C8orf34: variants seen among roughly 807,000 people sequenced by gnomAD.
C8orf34 encodes uncharacterized protein C8orf34.
Under a neutral mutation model 68.3 loss-of-function variants are expected in C8orf34, and 65 were observed. The observed-to-expected ratio is 0.95, with a 90% confidence interval of 0.78 to 1.17. The LOEUF (loss-of-function observed/expected upper bound fraction) is 1.17. Among genes scored for constraint, C8orf34 ranks in the 50% most tolerant of loss-of-function variants. The pLI is 0.00. For missense variants in C8orf34, 664 were observed against 655.4 expected (o/e 1.01, Z -0.14); for synonymous variants, 244 against 241.2 (o/e 1.01, Z -0.11).
At chr8:68,774,894 G>A (rs1232427572) in intron 10 of C8orf34, among the ~76,000 whole-genome samples, 2 of 142,930 alleles carry the variant, frequency 1.4e-5, no homozygotes, top group Non-Finnish European at 3.0e-5. Flanking sequence ...ATTACCTGAA[G>A]TCAGGAGTTC....
At chr8:68,653,784 A>C (rs1209114885) in intron 8 of C8orf34, among the ~76,000 whole-genome samples, 1 of 152,172 alleles carries the variant, frequency 6.6e-6, no homozygotes, top group African/African-American at 2.4e-5. Flanking sequence ...ATTAGATTTC[A>C]ACATATGAAT....
At chr8:68,781,768 A>C (rs1379561112) in intron 11 of C8orf34, among the ~76,000 whole-genome samples, 1 of 152,200 alleles carries the variant, frequency 6.6e-6, no homozygotes, top group Non-Finnish European at 1.5e-5. Flanking sequence ...TAACAGTAAT[A>C]TTTGTACTAT....
intron 1 of C8orf34, among the ~76,000 whole-genome samples, chr8:68,427,392 C>T (rs1396615803): frequency 6.6e-6 from 1 of 152,092 alleles, no homozygotes; most frequent in Admixed American, 6.5e-5. Context: ...ATATGCATAA[C>T]AACGTGGACA....
intron 11 of C8orf34, among the ~76,000 whole-genome samples, chr8:68,779,180 AACACACACAC>A (rs10550333): frequency 0.12 from 16,750 of 139,116 alleles, 1,163 homozygotes; most frequent in East Asian, 0.23. Context: ...CTGTCTCTGA[AACACACACAC>A]ACACACACAC....
chr8:68,366,685 G>A (rs1256792785), intron 1 of C8orf34, among the ~76,000 whole-genome samples: 1 of 146,504 alleles, frequency 6.8e-6, no homozygotes, highest in Non-Finnish European at 1.5e-5. Context: ...TGGGAAAACT[G>A]GCTAGCCATA....
intron 8 of C8orf34, among the ~76,000 whole-genome samples, chr8:68,693,058 C>T (rs73683595): frequency 0.074 from 11,196 of 152,086 alleles, 605 homozygotes; most frequent in African/African-American, 0.15. Flanking sequence ...AGAATAATGA[C>T]ATGGTTTATG....
At chr8:68,818,205 G>A (rs746803206) in intron 13 of C8orf34, 34 bp from the exon 14 acceptor site, 173 of 1,609,326 alleles carry the variant, frequency 1.1e-4, no homozygotes, top group Non-Finnish European at 1.4e-4. Context: ...ATGTTATTAA[G>A]CACATTTTCT....
intron 7 of C8orf34, among the ~76,000 whole-genome samples, chr8:68,602,525 T>C (rs540953825): frequency 6.6e-6 from 1 of 151,942 alleles, no homozygotes; most frequent in East Asian, 2.0e-4. Context: ...ATCACGAGAA[T>C]AGCATGAGGG....
chr8:68,613,979 A>G (rs986740271), intron 7 of C8orf34, among the ~76,000 whole-genome samples: 4 of 152,156 alleles, frequency 2.6e-5, no homozygotes, highest in Non-Finnish European at 5.9e-5. Flanking sequence ...AATGATTGGC[A>G]TTCTAACTGG....
chr8:68,791,160 A>C, intron 12 of C8orf34: 1 of 421,754 alleles, frequency 2.4e-6, no homozygotes, highest in South Asian at 8.3e-5. Context: ...TAAAGAAAAA[A>C]GGTTTAATTG....
At chr8:68,743,160 T>A (rs1822354529) in intron 10 of C8orf34, among the ~76,000 whole-genome samples, 1 of 152,278 alleles carries the variant, frequency 6.6e-6, no homozygotes, top group East Asian at 1.9e-4. Context: ...TAAATTTGAG[T>A]GGAGAACAAT....
intron 10 of C8orf34, among the ~76,000 whole-genome samples, chr8:68,745,607 T>G (rs1214681528): frequency 6.6e-6 from 1 of 151,858 alleles, no homozygotes; most frequent in Non-Finnish European, 1.5e-5. Flanking sequence ...AAAACAGACT[T>G]TAAACCAACA....
chr8:68,716,461 G>GA (rs1479701760), intron 9 of C8orf34, among the ~76,000 whole-genome samples: 1 of 151,844 alleles, frequency 6.6e-6, no homozygotes, highest in African/African-American at 2.4e-5. Context: ...TACATCAACA[G>GA]AAAAATAAGT....
At position 68,640,380 on chromosome 8, in the gene C8orf34, T is replaced by C; in HGVS notation, c.1110T>C (p.Asp370=). ...TAATTGTTTGTGTTGTTACAGAGGA[T>C]CTTAATGATTTAAGAATGGAGGGAG... ...NEDDAMELLE[D]LNDLRMEGVT... The change falls in exon 8 of 14, where the codon GAT becomes GAC. Residue 370 remains aspartate, a synonymous_variant. Coordinates refer to ENST00000518698, the MANE Select transcript of C8orf34 (RefSeq NM_052958.4). The C allele has an allele frequency of 6.2e-7, 1 of 1,613,300 alleles. No individual in the cohort carries two copies. Among genetic ancestry groups the C allele is most frequent in the Non-Finnish European group, 8.5e-7 (1 of 1,179,552 alleles).
intron 7 of C8orf34, among the ~76,000 whole-genome samples, chr8:68,638,394 C>T (rs1340381290): frequency 1.3e-5 from 2 of 149,814 alleles, no homozygotes; most frequent in African/African-American, 2.5e-5. Flanking sequence ...GAGATTTATT[C>T]TCTAAAATTT....
chr8:68,804,193 A>T (rs1408057040), intron 12 of C8orf34, among the ~76,000 whole-genome samples: 1 of 152,190 alleles, frequency 6.6e-6, no homozygotes, highest in Non-Finnish European at 1.5e-5. Flanking sequence ...GAAACTTAAC[A>T]ATTAAGAGCC....
At chr8:68,433,141 G>A (rs1810516932) in intron 1 of C8orf34, among the ~76,000 whole-genome samples, 1 of 152,134 alleles carries the variant, frequency 6.6e-6, no homozygotes. Flanking sequence ...TAGTGGTGGT[G>A]GGGGTGAATG....
intron 10 of C8orf34, among the ~76,000 whole-genome samples, chr8:68,748,469 AT>A (rs1309368176): frequency 6.6e-6 from 1 of 150,786 alleles, no homozygotes; most frequent in Non-Finnish European, 1.5e-5. Flanking sequence ...ATGGGAGAAA[AT>A]TTTTGCAACC....
At chr8:68,699,478 G>A (rs974760582) in intron 8 of C8orf34, among the ~76,000 whole-genome samples, 1 of 152,132 alleles carries the variant, frequency 6.6e-6, no homozygotes, top group East Asian at 1.9e-4. Context: ...GCTGCCTCAG[G>A]TTTCAGGGAG....
Sources: allele counts gnomAD v4.1 joint callset (sites outside exome capture counted in the v4.1 genomes callset), GRCh38; gene constraint gnomAD v4.1.1; transcripts MANE v1.5; gene names NCBI Gene and HGNC (gene_info 2026-07-23, HGNC 2026-07-21).